Variants in OPCML observed in about 807,000 individuals in gnomAD.
The protein encoded by OPCML is opioid-binding protein/cell adhesion molecule.
A neutral mutation model predicts 37.8 loss-of-function variants in OPCML; 13 were observed. The ratio of observed to expected loss-of-function variants is 0.34; its 90% CI spans 0.22 to 0.55. The LOEUF is 0.55. OPCML is among the 20% of genes least tolerant of loss of function. The pLI is 0.91. For synonymous variants in OPCML, 176 were observed against 168.8 expected, an observed-to-expected ratio of 1.04 and a Z score of -0.33; for missense variants, 341 against 435.6, an observed-to-expected ratio of 0.78 and a Z score of 1.93.
chr11:133,367,802 G>C (rs1944578732), intron 1 of OPCML, among the ~76,000 whole-genome samples: 1 of 152,110 alleles, frequency 6.6e-6, no homozygotes, highest in African/African-American at 2.4e-5. Flanking sequence ...CAGATAACTT[G>C]CTTCAGGGGG....
intron 3 of OPCML, among the ~76,000 whole-genome samples, chr11:132,600,536 T>C (rs1048220385): frequency 1.3e-5 from 2 of 152,190 alleles, no homozygotes; most frequent in African/African-American, 4.8e-5. Context: ...CCAAATTATG[T>C]TTTTCTTAGG....
chr11:132,469,424 T>C (rs2096128832), intron 4 of OPCML, among the ~76,000 whole-genome samples: 1 of 150,446 alleles, frequency 6.6e-6, no homozygotes, highest in African/African-American at 2.4e-5. Flanking sequence ...CGTGTGTATG[T>C]GTGTATGTGT....
At chr11:133,176,529 G>A (rs1937602254) in intron 1 of OPCML, among the ~76,000 whole-genome samples, 1 of 152,012 alleles carries the variant, frequency 6.6e-6, no homozygotes, top group Non-Finnish European at 1.5e-5. Context: ...GAATCATGGG[G>A]TGCATTTCTC....
At chr11:132,658,291 T>A (rs73593159) in intron 2 of OPCML, among the ~76,000 whole-genome samples, 16,859 of 152,250 alleles carry the variant, frequency 0.11, 1,753 homozygotes, top group African/African-American at 0.28. Flanking sequence ...GAGGAGGGAC[T>A]TGAGTCCAGC....
intron 1 of OPCML, among the ~76,000 whole-genome samples, chr11:133,415,159 C>T (rs947391689): frequency 3.3e-5 from 5 of 152,092 alleles, no homozygotes; most frequent in Non-Finnish European, 4.4e-5. Context: ...CCTGTAATCC[C>T]AGCACTTTGG....
chr11:132,991,421 C>A (rs1050751247), intron 1 of OPCML, among the ~76,000 whole-genome samples: 1 of 152,112 alleles, frequency 6.6e-6, no homozygotes, highest in Admixed American at 6.5e-5. Flanking sequence ...CTTAGATTAG[C>A]GGTGTCCTTG....
At chr11:132,611,570 A>G (rs1037206465) in intron 3 of OPCML, among the ~76,000 whole-genome samples, 3 of 152,150 alleles carry the variant, frequency 2.0e-5, no homozygotes, top group African/African-American at 7.2e-5. Context: ...TATCTCATGA[A>G]TTTTGTATTT....
At chr11:132,695,190 AGAGT>A (rs10595765) in intron 2 of OPCML, among the ~76,000 whole-genome samples, 6,629 of 152,226 alleles carry the variant, frequency 0.044, 428 homozygotes, top group African/African-American at 0.14. Flanking sequence ...ATACGGAGAG[AGAGT>A]GAGAGACTGT....
chr11:132,589,651 G>T (rs1353448296), intron 3 of OPCML, among the ~76,000 whole-genome samples: 1 of 152,218 alleles, frequency 6.6e-6, no homozygotes, highest in Non-Finnish European at 1.5e-5. Context: ...ACCAGGCAAA[G>T]GCCGGGTGTC....
intron 1 of OPCML, among the ~76,000 whole-genome samples, chr11:133,034,147 G>T (rs1947725102): frequency 6.6e-6 from 1 of 152,154 alleles, no homozygotes; most frequent in Admixed American, 6.5e-5. Flanking sequence ...TCCTATAGGG[G>T]TAAGCTGGCT....
chr11:133,332,917 G>A (rs1420540291), intron 1 of OPCML, among the ~76,000 whole-genome samples: 2 of 152,168 alleles, frequency 1.3e-5, no homozygotes, highest in Non-Finnish European at 2.9e-5. Context: ...GATACTACAA[G>A]ACTACAGTGA....
In OPCML at chr11:133,321,228, T is replaced by C. The variant is rs71477439; in HGVS notation, c.61+211036A>G. Among the ~76,000 whole-genome samples, 597 of 152,322 alleles carry C rather than the reference T, an allele frequency of 3.9e-3. 1 individual carries two copies. The highest frequency in any genetic ancestry group is 6.8e-3 in the Middle Eastern group (2 of 294). ...ACTCATTTCCTAGTTACTCTCCAGC[T>C]TCTGGAATGAAGGTGCAGTGCTGGA... On this transcript the variant is annotated intron_variant, in intron 1 of 7. Transcript: ENST00000524381.
In OPCML at chr11:132,624,513, G is replaced by T. The variant is rs538588260; in HGVS notation, c.379+32574C>A. Among the ~76,000 whole-genome samples, 215 of 152,066 alleles carry T rather than the reference G, an allele frequency of 1.4e-3. 6 individuals carry two copies. Among genetic ancestry groups the T allele is most frequent in the Non-Finnish European group, 6.8e-4 (46 of 67,992 alleles). ...CCGACTCCTTCCATTCTCTTCCAGG[G>T]GTCCCTTGTCCTCTATGTAACCTCA... On this transcript the variant is annotated intron_variant, in intron 3 of 7. Transcript: ENST00000524381.
At chr11:133,515,663 G>T (rs1948252165) in intron 1 of OPCML, among the ~76,000 whole-genome samples, 1 of 152,056 alleles carries the variant, frequency 6.6e-6, no homozygotes. Context: ...ATACACAGAA[G>T]ATGGATTGTA....
chr11:133,025,546 A>G (rs1947536898), intron 1 of OPCML: 1 of 820,152 alleles, frequency 1.2e-6, no homozygotes, highest in African/African-American at 1.9e-5. Context: ...TGAAAATTTA[A>G]AAAGAGTGGT....
At chr11:133,175,941 C>T (rs2136277535) in intron 1 of OPCML, among the ~76,000 whole-genome samples, 1 of 152,216 alleles carries the variant, frequency 6.6e-6, no homozygotes, top group African/African-American at 2.4e-5. Context: ...AGTTCAGCTA[C>T]CAAGTGAAGG....
At chr11:133,162,186 G>A (rs1950152418) in intron 1 of OPCML, among the ~76,000 whole-genome samples, 1 of 151,988 alleles carries the variant, frequency 6.6e-6, no homozygotes, top group Non-Finnish European at 1.5e-5. Flanking sequence ...CTACACTGCA[G>A]AAAAGATGAG....
chr11:133,264,840 A>G (rs182163602), intron 1 of OPCML, among the ~76,000 whole-genome samples: 2 of 152,314 alleles, frequency 1.3e-5, no homozygotes, highest in Middle Eastern at 3.4e-3. Context: ...GGCATAGATC[A>G]TTAAATAAAC....
At chr11:133,516,428 C>T (rs974915738) in intron 1 of OPCML, among the ~76,000 whole-genome samples, 3 of 152,104 alleles carry the variant, frequency 2.0e-5, no homozygotes, top group African/African-American at 7.2e-5. Flanking sequence ...GACACACTCA[C>T]ACCACCGCCG....
Sources: gnomAD v4.1 joint callset for allele counts (sites outside exome capture counted in the v4.1 genomes callset) on GRCh38, gnomAD v4.1.1 for gene constraint, MANE v1.5 for transcripts, NCBI Gene and HGNC (gene_info 2026-07-23, HGNC 2026-07-21) for gene names.